The following PTPRE variants were observed in gnomAD, a reference collection of about 807,000 sequenced individuals.
PTPRE encodes the protein protein tyrosine phosphatase receptor type E.
In PTPRE, 51 loss-of-function variants were observed where a neutral mutation model predicts 102.0. The observed-to-expected ratio is 0.50, with a 90% CI of 0.40 to 0.63. The LOEUF (loss-of-function observed/expected upper bound fraction) is 0.63. Ranked by LOEUF, PTPRE falls within the 30% of genes least tolerant of loss-of-function variation. The probability of loss-of-function intolerance (pLI) is 0.00; values close to 1 mark genes in which losing one functional copy is unlikely to be tolerated. For synonymous variants in PTPRE, 345 were observed against 348.2 expected (o/e 0.99, Z 0.10); for missense variants, 752 against 915.1 (o/e 0.82, Z 2.30).
chr10:127,932,406 A>T (rs1847511030), intron 1 of PTPRE, among the ~76,000 whole-genome samples: 1 of 152,210 alleles, frequency 6.6e-6, no homozygotes, highest in Non-Finnish European at 1.5e-5. Context: ...TAGGAGCTAT[A>T]AAAAAAGATT....
chr10:128,022,265 G>A (rs928229784), intron 2 of PTPRE, among the ~76,000 whole-genome samples: 5 of 152,164 alleles, frequency 3.3e-5, no homozygotes, highest in Non-Finnish European at 7.4e-5. Flanking sequence ...CCCGCTCCCT[G>A]AGAACCACTC....
At chr10:128,068,433 C>A in intron 12 of PTPRE, 147 bp downstream of exon 12, 1 of 901,230 alleles carries the variant, frequency 1.1e-6, no homozygotes, top group Non-Finnish European at 1.6e-6. Flanking sequence ...GTGACTGAGC[C>A]AGGCCCCAAG....
chr10:127,916,125 G>A (rs1846189841), intron 1 of PTPRE, among the ~76,000 whole-genome samples: 1 of 152,142 alleles, frequency 6.6e-6, no homozygotes, highest in Non-Finnish European at 1.5e-5. Context: ...GGGAGACATG[G>A]AAGGGCCTCC....
chr10:127,985,451 G>A (rs1314012119), intron 2 of PTPRE, among the ~76,000 whole-genome samples: 1 of 152,100 alleles, frequency 6.6e-6, no homozygotes, highest in Admixed American at 6.5e-5. Context: ...GGTGGTAGTG[G>A]CACACACCTG....
intron 1 of PTPRE, among the ~76,000 whole-genome samples, chr10:127,954,377 A>G (rs999697732): frequency 5.3e-5 from 8 of 152,138 alleles, no homozygotes; most frequent in African/African-American, 1.9e-4. Context: ...CAGCACCTTC[A>G]TTGTGAAAGG....
At chr10:128,067,380 T>A (rs571592192) in intron 11 of PTPRE, among the ~76,000 whole-genome samples, 2 of 100,638 alleles carry the variant, frequency 2.0e-5, no homozygotes, top group Admixed American at 1.0e-4. Flanking sequence ...ATGCACACAT[T>A]CACACATGTG....
At chr10:128,038,490 A>C (rs1411991890) in intron 2 of PTPRE, among the ~76,000 whole-genome samples, 2 of 152,280 alleles carry the variant, frequency 1.3e-5, no homozygotes, top group Non-Finnish European at 2.9e-5. Flanking sequence ...AAAAGGGATG[A>C]GTTCATGTCC....
At chr10:128,001,202 GTGTGTGTGTGCA>G (rs970623288) in intron 2 of PTPRE, among the ~76,000 whole-genome samples, 1 of 151,962 alleles carries the variant, frequency 6.6e-6, no homozygotes, top group Non-Finnish European at 1.5e-5. Context: ...ATCTGAGTGT[GTGTGTGTGTGCA>G]TGTGTGTGTG....
chr10:127,913,447 A>G (rs192136616), intron 1 of PTPRE, among the ~76,000 whole-genome samples: 113 of 152,372 alleles, frequency 7.4e-4, no homozygotes, highest in African/African-American at 2.5e-3. Flanking sequence ...TGAGATTTTT[A>G]AATGTCCTAT....
intron 1 of PTPRE, among the ~76,000 whole-genome samples, chr10:127,933,263 A>G (rs1460724344): frequency 6.6e-6 from 1 of 152,182 alleles, no homozygotes; most frequent in African/African-American, 2.4e-5. Context: ...CCCTCCATAC[A>G]CACATAAACA....
Position 127,914,100 on chromosome 10 carries a change from C to T in PTPRE, c.-31+6791C>T, listed in dbSNP as rs571383805. Among the ~76,000 whole-genome samples, 4 of 152,244 alleles carry T rather than the reference C, an allele frequency of 2.6e-5. No homozygotes were observed. In the East Asian group the frequency reaches 7.7e-4, roughly 29 times the overall value. ...AGTGAGTTCTTGCTCAGCTAGTTCA[C>T]ATGATATCTGGTCATTTTAAAGAAT... is the stretch of plus-strand genomic sequence containing the variant. On this transcript the variant is annotated intron_variant, in intron 1 of 20. Coordinates refer to ENST00000254667, the MANE Select transcript of PTPRE (RefSeq NM_006504.6).
At chr10:127,972,213 T>G (rs1850801361) in intron 1 of PTPRE, among the ~76,000 whole-genome samples, 1 of 152,092 alleles carries the variant, frequency 6.6e-6, no homozygotes, top group Admixed American at 6.6e-5. Context: ...GGACTGCTCC[T>G]CCACACACAA....
chr10:127,947,116 C>T (rs1275288873), intron 1 of PTPRE, among the ~76,000 whole-genome samples: 2 of 151,516 alleles, frequency 1.3e-5, no homozygotes, highest in Non-Finnish European at 2.9e-5. Flanking sequence ...CGCCATGGGA[C>T]AGCCACGAAA....
At chr10:127,956,270 G>A (rs1049814491) in intron 1 of PTPRE, among the ~76,000 whole-genome samples, 8 of 151,994 alleles carry the variant, frequency 5.3e-5, no homozygotes, top group Admixed American at 4.6e-4. Flanking sequence ...GTTGTCTGAG[G>A]GTATTTCCAG....
intron 3 of PTPRE, among the ~76,000 whole-genome samples, chr10:128,042,512 G>T (rs1170398983): frequency 6.6e-6 from 1 of 152,146 alleles, no homozygotes; most frequent in Non-Finnish European, 1.5e-5. Flanking sequence ...CCTCTGCCAG[G>T]GCCTCTGCGT....
At position 128,077,644 on chromosome 10, in the gene PTPRE, C is replaced by T. The variant is rs766128513; in HGVS notation, c.1753C>T (p.Arg585Ter). 3.1e-6 allele frequency: 5 copies of T among 1,613,046 alleles called. No individual in the cohort carries two copies. The highest frequency in any genetic ancestry group is 2.7e-5 in the African/African-American group (2 of 75,044). ...QPQARQEEQV[R>*]VVRQFHFHGW... is the part of the protein sequence containing the mutation. ...CCAGGCCCGCCAGGAGGAGCAGGTC[C>T]GAGTAGTGCGCCAGTTTCACTTCCA... The change falls in exon 19 of 21, where the codon CGA becomes TGA. Residue 585 changes from arginine to a stop codon, truncating the protein, a stop_gained. Coordinates refer to ENST00000254667, the MANE Select transcript of PTPRE (RefSeq NM_006504.6). LOFTEE classifies it high-confidence loss of function.
At chr10:127,994,160 C>T (rs1487623382) in intron 2 of PTPRE, among the ~76,000 whole-genome samples, 1 of 152,206 alleles carries the variant, frequency 6.6e-6, no homozygotes, top group African/African-American at 2.4e-5. Flanking sequence ...CACTGCTCTG[C>T]TCTCGTGTTC....
intron 1 of PTPRE, among the ~76,000 whole-genome samples, chr10:127,922,045 G>A (rs1437070206): frequency 6.6e-6 from 1 of 152,222 alleles, no homozygotes; most frequent in African/African-American, 2.4e-5. Context: ...AGTTGTTAGT[G>A]AATTCATGAA....
chr10:128,070,825 G>C lies in PTPRE; in HGVS notation c.1311G>C (p.Arg437=). ...EEEFRKLTNV[R]IMKENMRTGN... is the part of the protein sequence containing the mutation. ...TGCTGCAGAAATTGACAAATGTCCG[G>C]ATCATGAAGGAGAACATGAGGACGG... The change falls in exon 15 of 21, where the codon CGG becomes CGC. Residue 437 remains arginine, a synonymous_variant. Coordinates refer to ENST00000254667, the MANE Select transcript of PTPRE (RefSeq NM_006504.6). The surrounding 1 kb of genome is among the most constrained non-coding windows in gnomAD (Gnocchi z 4.8). The C allele has an allele frequency of 6.2e-7, 1 of 1,613,928 alleles. No individual in the cohort carries two copies. The highest frequency in any genetic ancestry group is 8.5e-7 in the Non-Finnish European group (1 of 1,179,774).
Sources: gnomAD v4.1 joint callset for allele counts (sites outside exome capture counted in the v4.1 genomes callset) on GRCh38, gnomAD v4.1.1 for gene constraint, Gnocchi (gnomAD v3.1) non-coding constraint, MANE v1.5 for transcripts, NCBI Gene and HGNC (gene_info 2026-07-23, HGNC 2026-07-21) for gene names.